The following PRELID2 variants were observed in gnomAD, a reference collection of about 807,000 sequenced individuals.
PRELID2 encodes PRELI domain containing 2.
PRELID2 carries 25 observed loss-of-function variants against 28.4 expected under a neutral mutation model. That is an observed-to-expected ratio of 0.88 (90% confidence interval 0.64 to 1.23). The LOEUF is 1.23. Ranked by LOEUF, PRELID2 falls within the 50% of genes most tolerant of loss-of-function variation. The pLI is 0.00. For missense variants in PRELID2, 201 were observed against 214.4 expected (o/e 0.94, Z 0.39); for synonymous variants, 76 against 71.6 (o/e 1.06, Z -0.31).
the PRELID2 span, among the ~76,000 whole-genome samples, chr5:145,251,519 G>A: frequency 2.6e-5 from 4 of 152,092 alleles, no homozygotes; most frequent in African/African-American, 4.8e-5. Flanking sequence ...TATTGTAGAA[G>A]AGGAGACTAG....
At chr5:145,684,918 G>A (rs1353412176) in intron 1 of PRELID2, among the ~76,000 whole-genome samples, 2 of 152,176 alleles carry the variant, frequency 1.3e-5, no homozygotes, top group African/African-American at 4.8e-5. Flanking sequence ...AAGATGGAAG[G>A]AGGCTTCAAA....
intron 1 of PRELID2, among the ~76,000 whole-genome samples, chr5:145,653,463 G>A (rs959623922): frequency 1.8e-4 from 27 of 152,012 alleles, no homozygotes; most frequent in South Asian, 2.1e-4. Flanking sequence ...TAAGCACCAC[G>A]TCGCAATTAT....
At chr5:145,823,204 C>G (rs1299607298) in intron 1 of PRELID2, 70 bp from the exon 2 acceptor site, 2 of 751,650 alleles carry the variant, frequency 2.7e-6, no homozygotes, top group Non-Finnish European at 4.7e-6. Context: ...GAAGTAACCA[C>G]AGCTGTCTGC....
At chr5:145,468,165 T>C (rs917516406), downstream of PRELID2, among the ~76,000 whole-genome samples, 1 of 152,022 alleles carries the variant, frequency 6.6e-6, no homozygotes, top group Non-Finnish European at 1.5e-5. Context: ...GAACATGTGG[T>C]GTTTGGTTTT....
At chr5:145,555,174 C>T (rs893785528) in intron 1 of PRELID2, among the ~76,000 whole-genome samples, 14 of 152,186 alleles carry the variant, frequency 9.2e-5, no homozygotes, top group African/African-American at 3.1e-4. Flanking sequence ...AGCATTAGAG[C>T]AGTGTCCATC....
chr5:145,747,646 A>AAGGAAGGACTCCTCCTT (rs1554088863), intron 1 of PRELID2, among the ~76,000 whole-genome samples: 2 of 152,100 alleles, frequency 1.3e-5, no homozygotes, highest in African/African-American at 2.4e-5. Flanking sequence ...AAACAATAAA[A>AAGGAAGGACTCCTCCTT]AACACATTTC....
chr5:145,460,088 C>T, the PRELID2 span, among the ~76,000 whole-genome samples: 7 of 152,128 alleles, frequency 4.6e-5, no homozygotes, highest in Non-Finnish European at 1.0e-4. Flanking sequence ...GGATTACAGG[C>T]ATGAGCCACT....
the PRELID2 span, among the ~76,000 whole-genome samples, chr5:145,414,577 G>C: frequency 2.0e-5 from 3 of 152,204 alleles, no homozygotes; most frequent in African/African-American, 7.2e-5. Context: ...ATATGTTTAA[G>C]TAACTAGAAG....
the PRELID2 span, among the ~76,000 whole-genome samples, chr5:145,376,432 C>A: frequency 6.6e-6 from 1 of 152,020 alleles, no homozygotes; most frequent in Non-Finnish European, 1.5e-5. Flanking sequence ...GGGAGGAGTC[C>A]CTTCTCCTCA....
At chr5:145,830,223 A>C (rs1755491811) in intron 1 of PRELID2, among the ~76,000 whole-genome samples, 1 of 152,220 alleles carries the variant, frequency 6.6e-6, no homozygotes, top group South Asian at 2.1e-4. Context: ...ATCACCACCT[A>C]TGAAGGTGAT....
the PRELID2 span, among the ~76,000 whole-genome samples, chr5:145,448,525 G>T: frequency 6.6e-6 from 1 of 152,120 alleles, no homozygotes; most frequent in Non-Finnish European, 1.5e-5. Flanking sequence ...GAAGGCAGGG[G>T]TTGCAATCCT....
chr5:145,775,211 G>A (rs572145164), intron 5 of PRELID2, among the ~76,000 whole-genome samples: 2 of 152,080 alleles, frequency 1.3e-5, no homozygotes, highest in South Asian at 2.1e-4. Context: ...CTGCACTCCA[G>A]CCTGAGGAAC....
chr5:145,339,282 G>C, the PRELID2 span, among the ~76,000 whole-genome samples: 2 of 152,234 alleles, frequency 1.3e-5, no homozygotes, highest in Non-Finnish European at 2.9e-5. Flanking sequence ...CTGAAAGCAA[G>C]TAAAGAAAGA....
chr5:145,625,555 T>C (rs1462631586), intron 1 of PRELID2, among the ~76,000 whole-genome samples: 2 of 152,122 alleles, frequency 1.3e-5, no homozygotes, highest in Non-Finnish European at 2.9e-5. Flanking sequence ...TAAATTCCAA[T>C]AAAAATCCAA....
the PRELID2 span, among the ~76,000 whole-genome samples, chr5:145,279,582 A>G: frequency 6.6e-6 from 1 of 152,198 alleles, no homozygotes; most frequent in Admixed American, 6.6e-5. Flanking sequence ...GAATTTCACA[A>G]ACTCTAGTGC....
At chr5:145,739,501 C>T (rs979423301) in intron 1 of PRELID2, among the ~76,000 whole-genome samples, 1 of 151,746 alleles carries the variant, frequency 6.6e-6, no homozygotes, top group Non-Finnish European at 1.5e-5. Flanking sequence ...CGAGACTCCA[C>T]CTCGAAAAAC....
intron 1 of PRELID2, among the ~76,000 whole-genome samples, chr5:145,665,103 A>AT (rs1050772369): frequency 1.3e-5 from 2 of 151,908 alleles, no homozygotes; most frequent in African/African-American, 4.8e-5. Flanking sequence ...CACCCAAAAT[A>AT]TTTTTTTTCT....
At chr5:145,782,710 T>C (rs1485329329) in intron 5 of PRELID2, among the ~76,000 whole-genome samples, 1 of 152,236 alleles carries the variant, frequency 6.6e-6, no homozygotes, top group Non-Finnish European at 1.5e-5. Context: ...AAATATTTTA[T>C]TGCCATCTCA....
intron 1 of PRELID2, among the ~76,000 whole-genome samples, chr5:145,656,653 C>CA (rs757677991): frequency 1.8e-4 from 26 of 148,172 alleles, no homozygotes; most frequent in South Asian, 8.5e-4. Context: ...ATCGCAAGGA[C>CA]AAAAAACCAA....
Sources: gnomAD v4.1 joint callset for allele counts (sites outside exome capture counted in the v4.1 genomes callset) on GRCh38, gnomAD v4.1.1 for gene constraint, MANE v1.5 for transcripts, NCBI Gene and HGNC (gene_info 2026-07-23, HGNC 2026-07-21) for gene names.